TBCD: variants seen among roughly 807,000 people sequenced by gnomAD.
TBCD encodes the protein tubulin-specific chaperone D.
Under a neutral mutation model 169.3 loss-of-function variants are expected in TBCD, and 105 were observed. The observed-to-expected ratio is 0.62, with a 90% CI of 0.53 to 0.73. The LOEUF (loss-of-function observed/expected upper bound fraction) is 0.73, where lower values mean the gene tolerates loss of function less well. TBCD is among the 30% of genes least tolerant of loss of function. TBCD has a pLI of 0.00. For missense variants in TBCD, 1,444 were observed against 1,600.1 expected (o/e 0.90, Z 1.66); for synonymous variants, 700 against 643.9 (o/e 1.09, Z -1.32).
chr17:82,843,149 A>T (rs1033047945), intron 13 of TBCD, among the ~76,000 whole-genome samples: 2 of 151,756 alleles, frequency 1.3e-5, no homozygotes, highest in Non-Finnish European at 2.9e-5. Context: ...CTGATTCCTG[A>T]TTCTTTCTCT....
At chr17:82,824,754 C>T (rs1306271052) in intron 13 of TBCD, among the ~76,000 whole-genome samples, 1 of 151,998 alleles carries the variant, frequency 6.6e-6, no homozygotes, top group African/African-American at 2.4e-5. Flanking sequence ...GATACAAGAA[C>T]CTGTTTGACA....
At chr17:82,883,735 C>T (rs545176075) in intron 14 of TBCD, among the ~76,000 whole-genome samples, 2 of 152,338 alleles carry the variant, frequency 1.3e-5, no homozygotes, top group Admixed American at 6.5e-5. Context: ...TTGGTTTGCC[C>T]CCCTGTCCAA....
In TBCD at chr17:82,930,428, T is replaced by C. The variant is rs1019604793; in HGVS notation, c.2992-94T>C. Reference sequence around the variant, plus strand: ...GCGTCTCTGCAGCTCGGAGCAGTTCTGCTCTTCAGCAGATGCTTGACCGGC... The same window carrying C: ...GCGTCTCTGCAGCTCGGAGCAGTTCCGCTCTTCAGCAGATGCTTGACCGGC... On this transcript the variant is annotated intron_variant, in intron 32 of 38. Coordinates refer to ENST00000355528, the MANE Select transcript of TBCD (RefSeq NM_005993.5). The surrounding 1 kb of genome is among the most constrained non-coding windows in gnomAD (Gnocchi z 5.2). The C allele has an allele frequency of 1.6e-5, 24 of 1,517,436 alleles. No individual in the cohort carries two copies. In the Middle Eastern group the frequency reaches 1.5e-3, roughly 98 times the overall value. 94.0% of individuals were successfully genotyped at this position (1,517,436 alleles called of 1,614,324 possible).
rs78474252 is a variant in TBCD, at chr17:82,839,190, C to T, written c.1318+24256C>T. Among the ~76,000 whole-genome samples, 1,130 of 152,242 alleles carry T rather than the reference C, an allele frequency of 7.4e-3. 12 individuals are homozygous for T. Among genetic ancestry groups the T allele is most frequent in the African/African-American group, 0.026 (1,080 of 41,496 alleles). On this transcript the variant is annotated intron_variant, in intron 13 of 38. Coordinates refer to ENST00000355528, the MANE Select transcript of TBCD (RefSeq NM_005993.5). ...TAAAAGTTAAACTAGATAGTAAATT[C>T]GGCACTGTCTAATGTGCATACACCA...
At chr17:82,866,709 C>T (rs1451608610) in intron 13 of TBCD, among the ~76,000 whole-genome samples, 5 of 150,904 alleles carry the variant, frequency 3.3e-5, no homozygotes, top group African/African-American at 5.0e-5. Flanking sequence ...CCCAGAGGCC[C>T]CAGAGGCCGA....
intron 7 of TBCD, among the ~76,000 whole-genome samples, chr17:82,783,732 G>A (rs1163066404): frequency 6.6e-6 from 1 of 152,166 alleles, no homozygotes; most frequent in Non-Finnish European, 1.5e-5. Flanking sequence ...TTTTCCATAT[G>A]CCAGCGTGTG....
chr17:82,901,988 C>T (rs974519814), intron 18 of TBCD, among the ~76,000 whole-genome samples: 7 of 152,142 alleles, frequency 4.6e-5, no homozygotes, highest in African/African-American at 1.7e-4. Flanking sequence ...AGCTGTGGGA[C>T]TCTCCAGCTG....
intron 9 of TBCD, among the ~76,000 whole-genome samples, chr17:82,804,296 C>T (rs993071259): frequency 1.2e-4 from 18 of 152,262 alleles, no homozygotes; most frequent in East Asian, 1.2e-3. Flanking sequence ...CAGTGTACCC[C>T]GAAATTTAGC....
intron 9 of TBCD, among the ~76,000 whole-genome samples, chr17:82,804,552 C>T (rs983164699): frequency 1.7e-4 from 26 of 152,362 alleles, no homozygotes; most frequent in African/African-American, 6.0e-4. Flanking sequence ...GGGGGGTGTG[C>T]TTCCATGCTC....
At chr17:82,877,349 CT>C (rs932766885) in intron 14 of TBCD, among the ~76,000 whole-genome samples, 142 of 149,158 alleles carry the variant, frequency 9.5e-4, no homozygotes, top group Non-Finnish European at 1.6e-3. Context: ...AGTTATATAA[CT>C]TTTTTTTTTT....
intron 12 of TBCD, among the ~76,000 whole-genome samples, chr17:82,812,208 C>G (rs1256288029): frequency 1.3e-5 from 2 of 152,194 alleles, no homozygotes; most frequent in East Asian, 3.9e-4. Flanking sequence ...AGCAAACCAA[C>G]TGAACCTGTG....
intron 1 of TBCD, among the ~76,000 whole-genome samples, chr17:82,753,795 G>A (rs1013651530): frequency 2.0e-5 from 3 of 151,342 alleles, no homozygotes; most frequent in African/African-American, 4.9e-5. Flanking sequence ...GAGTTGATTT[G>A]TCAGGGCAGG....
chr17:82,800,858 T>C lies in TBCD; in HGVS notation c.818-6T>C. On this transcript the variant is annotated splice_region_variant and splice_polypyrimidine_tract_variant and intron_variant, in intron 8 of 38. Coordinates refer to ENST00000355528, the MANE Select transcript of TBCD (RefSeq NM_005993.5). Reference sequence around the variant, plus strand: ...TTCCTGCGCTGAGTCCAGTTCTTGTTTGCAGCTGCCACTGTCCTCAGGTGC... The same window carrying C: ...TTCCTGCGCTGAGTCCAGTTCTTGTCTGCAGCTGCCACTGTCCTCAGGTGC... The C allele has an allele frequency of 6.2e-7, 1 of 1,611,778 alleles. No homozygotes were observed. The highest frequency in any genetic ancestry group is 8.5e-7 in the Non-Finnish European group (1 of 1,179,202).
At chr17:82,779,339 T>G (rs1483357919) in intron 6 of TBCD, among the ~76,000 whole-genome samples, 2 of 152,094 alleles carry the variant, frequency 1.3e-5, no homozygotes, top group East Asian at 3.8e-4. Flanking sequence ...CAGGCTGGTC[T>G]TGAACTCCTG....
At chr17:82,847,302 G>A (rs940545507) in intron 13 of TBCD, among the ~76,000 whole-genome samples, 1 of 145,222 alleles carries the variant, frequency 6.9e-6, no homozygotes, top group Non-Finnish European at 1.5e-5. Context: ...GCAGTGAGCC[G>A]AGATCATGCC....
In TBCD at chr17:82,922,217, G is replaced by T. The variant is rs1046604292; in HGVS notation, c.2178+640G>T. Among the ~76,000 whole-genome samples the T allele has an allele frequency of 6.6e-6, 1 of 152,092 alleles. No homozygotes were observed. The highest frequency in any genetic ancestry group is 1.5e-5 in the Non-Finnish European group (1 of 68,010). On this transcript the variant is annotated intron_variant, in intron 25 of 38. Coordinates refer to ENST00000355528, the MANE Select transcript of TBCD (RefSeq NM_005993.5). The surrounding 1 kb of genome is among the most constrained non-coding windows in gnomAD (Gnocchi z 4.1). ...CTCTACTAAAAATACAAAAATTAGCGGGGCGAGGTGGCGCGTGCCTGTAAT... is the reference window on the plus strand; with the variant it reads ...CTCTACTAAAAATACAAAAATTAGCTGGGCGAGGTGGCGCGTGCCTGTAAT...
intron 13 of TBCD, chr17:82,858,584 C>T (rs1199153704): frequency 2.0e-6 from 2 of 985,344 alleles, no homozygotes; most frequent in Non-Finnish European, 2.4e-6. Flanking sequence ...CTGTTGATGA[C>T]AGTGCTGTGT....
intron 2 of TBCD, among the ~76,000 whole-genome samples, chr17:82,763,602 G>A (rs752731276): frequency 1.3e-5 from 2 of 152,066 alleles, no homozygotes; most frequent in African/African-American, 4.8e-5. Context: ...TTAGCCAGGC[G>A]TGGTGACGCG....
chr17:82,804,310 T>C (rs2050795248), intron 9 of TBCD, among the ~76,000 whole-genome samples: 1 of 152,158 alleles, frequency 6.6e-6, no homozygotes, highest in Non-Finnish European at 1.5e-5. Flanking sequence ...ATTTAGCAGC[T>C]TAAACAGTGC....
Sources: gnomAD v4.1 joint callset for allele counts (sites outside exome capture counted in the v4.1 genomes callset) on GRCh38, gnomAD v4.1.1 for gene constraint, Gnocchi (gnomAD v3.1) non-coding constraint, MANE v1.5 for transcripts, NCBI Gene and HGNC (gene_info 2026-07-23, HGNC 2026-07-21) for gene names.